Variants in CACNB2 observed in about 807,000 individuals in gnomAD.
CACNB2 encodes calcium voltage-gated channel auxiliary subunit beta 2.
In CACNB2, 42 loss-of-function variants were observed where a neutral mutation model predicts 73.3. The observed-to-expected ratio is 0.57, with a 90% CI of 0.45 to 0.74. CACNB2 has a LOEUF of 0.74. Ranked by LOEUF, CACNB2 falls within the 30% of genes least tolerant of loss-of-function variation. The pLI is 0.00. For missense variants in CACNB2, 940 were observed against 853.0 expected (o/e 1.10, Z -1.27); for synonymous variants, 348 against 310.3 (o/e 1.12, Z -1.28).
intron 2 of CACNB2, among the ~76,000 whole-genome samples, chr10:18,179,074 G>A (rs544793841): frequency 6.6e-6 from 1 of 152,202 alleles, no homozygotes; most frequent in East Asian, 1.9e-4. Flanking sequence ...GCCTTACTGC[G>A]GAACAGGCTT....
At chr10:18,286,411 G>A (rs1202364189) in intron 2 of CACNB2, among the ~76,000 whole-genome samples, 14 of 151,058 alleles carry the variant, frequency 9.3e-5, no homozygotes, top group African/African-American at 2.4e-4. Flanking sequence ...CCAGCTACTC[G>A]GGAGGCTGAG....
chr10:18,462,195 C>T (rs781599607), intron 3 of CACNB2, among the ~76,000 whole-genome samples: 14 of 152,180 alleles, frequency 9.2e-5, no homozygotes, highest in Non-Finnish European at 2.1e-4. Flanking sequence ...AATTATTAAG[C>T]TGTCTAAAAA....
rs34442607 is a variant in CACNB2, at chr10:18,265,149, C to CTTTT, written c.213+114190_213+114193dup. ...TATTTATTGACCATTTGGCCATCTT[C>CTTTT]TTTTTTTTTTTTTTTTTTTGAGATG... is the stretch of plus-strand genomic sequence containing the variant. On this transcript the variant is annotated intron_variant, in intron 2 of 13. Transcript: ENST00000324631. 5.0e-4 allele frequency among the ~76,000 whole-genome samples: 60 copies of CTTTT among 120,922 alleles called. 1 individual carries two copies. The highest frequency in any genetic ancestry group is 1.2e-3 in the East Asian group (5 of 4,008). 79.3% of individuals were successfully genotyped at this position (120,922 alleles called of 152,430 possible). A position where few individuals can be genotyped will look rare whatever the true frequency, so the allele number is the denominator to read the frequency against.
chr10:18,440,146 G>A (rs1564549707), intron 3 of CACNB2, among the ~76,000 whole-genome samples: 1 of 152,090 alleles, frequency 6.6e-6, no homozygotes, highest in East Asian at 1.9e-4. Context: ...GTGGGAGAGG[G>A]AGTGGAAGGG....
intron 3 of CACNB2, among the ~76,000 whole-genome samples, chr10:18,485,723 G>A (rs1307381915): frequency 6.6e-6 from 1 of 151,544 alleles, no homozygotes; most frequent in Non-Finnish European, 1.5e-5. Context: ...CACCATGCTT[G>A]GCTAATTTTT....
chr10:18,212,071 A>G (rs2035339642), intron 2 of CACNB2, among the ~76,000 whole-genome samples: 1 of 152,214 alleles, frequency 6.6e-6, no homozygotes, highest in Admixed American at 6.5e-5. Flanking sequence ...GTACAGCTGA[A>G]TAGATTGATA....
chr10:18,340,731 G>C, intron 2 of CACNB2: 2 of 1,469,206 alleles, frequency 1.4e-6, no homozygotes, highest in Non-Finnish European at 1.8e-6. Context: ...CTGGAACAGA[G>C]AGCTGTTGTG....
chr10:18,409,416 A>G (rs1039752950), intron 3 of CACNB2, among the ~76,000 whole-genome samples: 1 of 152,056 alleles, frequency 6.6e-6, no homozygotes, highest in Admixed American at 6.6e-5. Flanking sequence ...GGGACTACAG[A>G]TATGAACCAC....
intron 3 of CACNB2, among the ~76,000 whole-genome samples, chr10:18,428,557 A>C (rs2045722001): frequency 6.6e-6 from 1 of 152,036 alleles, no homozygotes; most frequent in Non-Finnish European, 1.5e-5. Flanking sequence ...GTGGTGGCGG[A>C]CACCTGTAAT....
intron 2 of CACNB2, among the ~76,000 whole-genome samples, chr10:18,310,017 A>C (rs1383515779): frequency 1.3e-5 from 2 of 152,208 alleles, no homozygotes; most frequent in Non-Finnish European, 2.9e-5. Context: ...TTATATATCC[A>C]ACTAAAAATG....
chr10:18,423,480 G>A (rs1159667969), intron 3 of CACNB2, among the ~76,000 whole-genome samples: 1 of 152,130 alleles, frequency 6.6e-6, no homozygotes, highest in Admixed American at 6.6e-5. Context: ...TCTGTGTCCT[G>A]CCATAAGCAA....
chr10:18,155,422 C>T (rs531969375), intron 2 of CACNB2, among the ~76,000 whole-genome samples: 27 of 152,268 alleles, frequency 1.8e-4, no homozygotes, highest in African/African-American at 6.0e-4. Context: ...TTACAGCATT[C>T]CACTGTGTGG....
At chr10:18,496,949 A>G (rs1242481357) in intron 3 of CACNB2, among the ~76,000 whole-genome samples, 1 of 149,188 alleles carries the variant, frequency 6.7e-6, no homozygotes, top group Non-Finnish European at 1.5e-5. Context: ...GGTGTCTCGT[A>G]CCTGTAATCC....
intron 2 of CACNB2, among the ~76,000 whole-genome samples, chr10:18,217,884 C>A (rs12248794): frequency 2.6e-5 from 4 of 151,954 alleles, no homozygotes; most frequent in Non-Finnish European, 4.4e-5. Context: ...GAAATGCTTG[C>A]CCCTGCGTTA....
intron 3 of CACNB2, among the ~76,000 whole-genome samples, chr10:18,480,602 A>G (rs2048674546): frequency 1.3e-5 from 2 of 152,244 alleles, no homozygotes; most frequent in African/African-American, 4.8e-5. Flanking sequence ...ATGAATTACA[A>G]AAGAAATGAT....
At position 18,498,387 on chromosome 10, in the gene CACNB2, T is replaced by C. The variant is rs764138687; in HGVS notation, c.366T>C (p.Asn122=). 1 of 1,614,168 alleles carries C rather than the reference T, an allele frequency of 6.2e-7. No homozygotes were observed. Among genetic ancestry groups the C allele is most frequent in the South Asian group, 1.1e-5 (1 of 91,084 alleles). ...TKPVAFAVRT[N]VSYSAAHEDD... ...CCGTTGCATTTGCGGTTCGGACAAA[T>C]GTCAGCTACAGTGCGGCCCATGAAG... is the stretch of plus-strand genomic sequence containing the variant. The change falls in exon 4 of 14, where the codon AAT becomes AAC. Residue 122 remains asparagine (N), a synonymous_variant. Transcript: ENST00000324631.
intron 2 of CACNB2, among the ~76,000 whole-genome samples, chr10:18,307,977 T>C (rs986708115): frequency 7.8e-5 from 11 of 141,108 alleles, no homozygotes; most frequent in Non-Finnish European, 1.4e-4. Flanking sequence ...AAATAATATA[T>C]GCCAACTTTT....
chr10:18,242,707 G>A (rs776800475), intron 2 of CACNB2, among the ~76,000 whole-genome samples: 12 of 151,752 alleles, frequency 7.9e-5, no homozygotes, highest in East Asian at 7.8e-4. Flanking sequence ...AAAGTTGGCC[G>A]GGCGCAGTGG....
At chr10:18,506,262 A>G (rs561204463) in intron 5 of CACNB2, among the ~76,000 whole-genome samples, 54 of 152,330 alleles carry the variant, frequency 3.5e-4, no homozygotes, top group Non-Finnish European at 7.2e-4. Flanking sequence ...TCCTTTTAAA[A>G]TTAAACCTTG....
Sources: gnomAD v4.1 joint callset for allele counts (sites outside exome capture counted in the v4.1 genomes callset) on GRCh38, gnomAD v4.1.1 for gene constraint, MANE v1.5 for transcripts, NCBI Gene and HGNC (gene_info 2026-07-23, HGNC 2026-07-21) for gene names.